The following GANC variants were observed in gnomAD, a reference collection of about 807,000 sequenced individuals.
The protein encoded by GANC is glucosidase alpha, neutral C.
Under a neutral mutation model 124.2 loss-of-function variants are expected in GANC, and 117 were observed. That is an observed-to-expected ratio of 0.94 (90% CI 0.81 to 1.10). The LOEUF is 1.10. Among genes scored for constraint, GANC ranks in the 50% least tolerant of loss-of-function variants. The pLI is 0.00. For missense variants in GANC, 1,140 were observed against 1,095.0 expected (o/e 1.04, Z -0.58); for synonymous variants, 377 against 376.8 (o/e 1.00, Z -0.01).
intron 4 of GANC, among the ~76,000 whole-genome samples, chr15:42,291,979 A>G (rs868444852): frequency 2.0e-5 from 3 of 152,290 alleles, no homozygotes; most frequent in South Asian, 4.1e-4. Flanking sequence ...TCATAAGAAC[A>G]TAAACTGTCT....
At chr15:42,338,624 A>AG (rs1209310560) in intron 16 of GANC, 134 bp downstream of exon 16, 6 of 684,918 alleles carry the variant, frequency 8.8e-6, no homozygotes, top group Non-Finnish European at 1.6e-5. Context: ...AATGTGAGAA[A>AG]GTGAAGAGGA....
At position 42,352,405 on chromosome 15, in the gene GANC, G is replaced by T; in HGVS notation, c.*266G>T. On this transcript the variant is annotated 3_prime_UTR_variant, in exon 24 of 24. Transcript: ENST00000318010. ...GCCCTGAGACATTTATAGCGTTCAG[G>T]AGTCTTCTATTGCTTCCATTCCTTC... The T allele has an allele frequency of 1.7e-6, 2 of 1,203,826 alleles. No homozygotes were observed. Among genetic ancestry groups the T allele is most frequent in the Non-Finnish European group, 2.1e-6 (2 of 959,592 alleles). 74.6% of individuals were successfully genotyped at this position (1,203,826 alleles called of 1,614,324 possible).
chr15:42,322,949 C>A (rs1385607462), intron 11 of GANC, among the ~76,000 whole-genome samples: 1 of 152,154 alleles, frequency 6.6e-6, no homozygotes, highest in African/African-American at 2.4e-5. Flanking sequence ...GACTTTTCAA[C>A]CCATTCCTTT....
rs2052384382 is a variant in GANC at position 42,348,211 on chromosome 15, A to G, written c.2413A>G (p.Thr805Ala). 1.3e-6 allele frequency: 2 copies of G among 1,597,542 alleles called. No individual in the cohort carries two copies. The highest frequency in any genetic ancestry group is 1.7e-6 in the Non-Finnish European group (2 of 1,166,560). Residue 805 changes from threonine (T) to alanine (A), a missense_variant, in exon 21 of 24, where the codon ACT (threonine) becomes GCT (alanine). Thr to Ala is a moderately conservative substitution (Grantham distance 58). Coordinates refer to ENST00000318010, the MANE Select transcript of GANC (RefSeq NM_198141.3). ...SSYGLRVALSTKGSSVGELYL... is the reference protein window; with the variant it reads ...SSYGLRVALSAKGSSVGELYL... ...CTATGGACTCCGGGTTGCTCTAAGC[A>G]CTAAGGTATTTGGTAAATCTGTTAC...
At chr15:42,321,228 G>A (rs968612242) in intron 10 of GANC, among the ~76,000 whole-genome samples, 2 of 152,140 alleles carry the variant, frequency 1.3e-5, no homozygotes, top group African/African-American at 4.8e-5. Flanking sequence ...ACTTTTGATG[G>A]CTTCTCATAA....
Position 42,339,864 on chromosome 15 carries a change from G to A in GANC, c.2039G>A (p.Trp680Ter), listed in dbSNP as rs200834293. Residue 680 changes from tryptophan (W) to a stop codon, truncating the protein, a stop_gained, in exon 17 of 24, where the codon TGG (tryptophan) becomes TAG (stop). Transcript: ENST00000318010. LOFTEE classifies it high-confidence loss of function. ...GAGCGCTATGGCCTCCTGCCATATTGGTATTCTCTGTTCTACCATGCACAC... is the reference window on the plus strand; with the variant it reads ...GAGCGCTATGGCCTCCTGCCATATTAGTATTCTCTGTTCTACCATGCACAC... ...IRERYGLLPY[W>*]YSLFYHAHVA... The A allele has an allele frequency of 1.3e-4, 207 of 1,613,976 alleles. No homozygotes were observed. The highest frequency in any genetic ancestry group is 2.0e-5 in the Non-Finnish European group (24 of 1,180,012).
intron 19 of GANC, among the ~76,000 whole-genome samples, chr15:42,344,463 A>T (rs114401906): frequency 0.017 from 2,537 of 152,246 alleles, 72 homozygotes; most frequent in African/African-American, 0.059. Flanking sequence ...CACCTGGATA[A>T]TCTGGGATAA....
In GANC at chr15:42,274,373, G is replaced by A; in HGVS notation, c.-109G>A. 4.4e-6 allele frequency: 5 copies of A among 1,140,996 alleles called. No individual in the cohort carries two copies. Among genetic ancestry groups the A allele is most frequent in the Non-Finnish European group, 5.1e-6 (4 of 789,498 alleles). 70.7% of individuals were successfully genotyped at this position (1,140,996 alleles called of 1,614,324 possible). On this transcript the variant is annotated 5_prime_UTR_variant, in exon 1 of 24. Coordinates refer to ENST00000318010, the MANE Select transcript of GANC (RefSeq NM_198141.3). ...GGGACTCCCTTCCCAGAAACTTGAC[G>A]ATGAAGTACTGGTTGTAATTTTAGA...
At chr15:42,281,336 A>G (rs2051731842) in intron 3 of GANC, among the ~76,000 whole-genome samples, 1 of 152,170 alleles carries the variant, frequency 6.6e-6, no homozygotes, top group Non-Finnish European at 1.5e-5. Flanking sequence ...AACAGAGGTG[A>G]TGGTGATCAC....
intron 5 of GANC, among the ~76,000 whole-genome samples, chr15:42,295,949 C>T (rs1382058296): frequency 6.6e-6 from 1 of 152,098 alleles, no homozygotes; most frequent in South Asian, 2.1e-4. Flanking sequence ...TGAGACCAGC[C>T]TGGCCAACAT....
chr15:42,283,727 A>G (rs1276864574), intron 3 of GANC: 1 of 702,442 alleles, frequency 1.4e-6, no homozygotes, highest in African/African-American at 1.7e-5. Flanking sequence ...GCCTAATGAA[A>G]ATGAAGCTTT....
At position 42,339,305 on chromosome 15, in the gene GANC, A is replaced by AACACACAC. The variant is rs60116980; in HGVS notation, c.1844-318_1844-311dup. Among the ~76,000 whole-genome samples, 634 of 119,232 alleles carry AACACACAC rather than the reference A, an allele frequency of 5.3e-3. 6 individuals are homozygous for AACACACAC. The highest frequency in any genetic ancestry group is 0.012 in the South Asian group (38 of 3,142). 78.2% of individuals were successfully genotyped at this position (119,232 alleles called of 152,430 possible). ...AATCAGTTGCCAACCACCCCCCTCC[A>AACACACAC]ACACACACACACACACACACACACA... On this transcript the variant is annotated intron_variant, in intron 16 of 23. Coordinates refer to ENST00000318010, the MANE Select transcript of GANC (RefSeq NM_198141.3).
chr15:42,345,467 G>A (rs1173131411), intron 19 of GANC, among the ~76,000 whole-genome samples: 2 of 152,088 alleles, frequency 1.3e-5, no homozygotes, highest in Non-Finnish European at 2.9e-5. Flanking sequence ...GTTCAGTCTT[G>A]TATATTCAGC....
At chr15:42,277,674 C>A (rs2051685651) in intron 2 of GANC, among the ~76,000 whole-genome samples, 1 of 151,814 alleles carries the variant, frequency 6.6e-6, no homozygotes, top group African/African-American at 2.4e-5. Flanking sequence ...AATCACTGCC[C>A]ACCACAACCT....
intron 4 of GANC, among the ~76,000 whole-genome samples, chr15:42,290,016 A>C (rs552874493): frequency 6.6e-6 from 1 of 152,178 alleles, no homozygotes; most frequent in Non-Finnish European, 1.5e-5. Context: ...TGACACCTTG[A>C]TCTTTGACTT....
chr15:42,328,986 T>C (rs2052219235), intron 13 of GANC, among the ~76,000 whole-genome samples: 1 of 152,140 alleles, frequency 6.6e-6, no homozygotes, highest in African/African-American at 2.4e-5. Flanking sequence ...ACCTTTCCCA[T>C]AGGAGTCCTG....
chr15:42,349,376 T>C lies in GANC; in HGVS notation c.2419-7T>C. ...AGCACATTCTGTCTCTGTGATTCAT[T>C]CTCCAGGGTTCTTCAGTGGGTGAGT... On this transcript the variant is annotated splice_region_variant and splice_polypyrimidine_tract_variant and intron_variant, in intron 21 of 23. Transcript: ENST00000318010. 1 of 1,530,110 alleles carries C rather than the reference T, an allele frequency of 6.5e-7. No homozygotes were observed. The highest frequency in any genetic ancestry group is 9.1e-7 in the Non-Finnish European group (1 of 1,103,666). 94.8% of individuals were successfully genotyped at this position (1,530,110 alleles called of 1,614,324 possible).
chr15:42,310,314 G>A lies in GANC; in HGVS notation c.754G>A (p.Asp252Asn), dbSNP rs763584460. The change falls in exon 9 of 24, where the codon GAT becomes AAT. Residue 252 changes from aspartate to asparagine, a missense_variant. Asp to Asn is a conservative substitution (Grantham distance 23, BLOSUM62 1). Coordinates refer to ENST00000318010, the MANE Select transcript of GANC (RefSeq NM_198141.3). ...DGDAYRLYNLDVYGYQIYDKM... is the reference protein window; with the variant it reads ...DGDAYRLYNLNVYGYQIYDKM... ...AGATGCTTACCGTCTTTATAACCTGGATGTCTATGGATACCAAATATATGA... is the reference window on the plus strand; with the variant it reads ...AGATGCTTACCGTCTTTATAACCTGAATGTCTATGGATACCAAATATATGA... 5.0e-6 allele frequency: 8 copies of A among 1,609,574 alleles called. No individual in the cohort carries two copies. The South Asian group carries it at 6.6e-5, about 13-fold the overall frequency.
At chr15:42,292,333 A>C (rs1012215564) in intron 4 of GANC, among the ~76,000 whole-genome samples, 5 of 151,952 alleles carry the variant, frequency 3.3e-5, no homozygotes, top group Admixed American at 6.6e-5. Flanking sequence ...CTTCCAGACC[A>C]AGGTGATGAT....
Sources: allele counts gnomAD v4.1 joint callset (sites outside exome capture counted in the v4.1 genomes callset), GRCh38; gene constraint gnomAD v4.1.1; transcripts MANE v1.5; gene names NCBI Gene and HGNC (gene_info 2026-07-23, HGNC 2026-07-21).